The following FHOD3 variants were observed in gnomAD, a reference collection of about 807,000 sequenced individuals.
FHOD3 encodes FH1/FH2 domain-containing protein 3.
Under a neutral mutation model 173.0 loss-of-function variants are expected in FHOD3, and 90 were observed. The observed-to-expected ratio is 0.52, with a 90% CI of 0.44 to 0.62. The LOEUF is 0.62. Among genes scored for constraint, FHOD3 ranks in the 20% least tolerant of loss-of-function variants. The probability of loss-of-function intolerance (pLI) is 0.00; values close to 1 mark genes in which losing one functional copy is unlikely to be tolerated. For synonymous variants in FHOD3, 828 were observed against 823.0 expected, an observed-to-expected ratio of 1.01 and a Z score of -0.10; for missense variants, 1,945 against 2,034.7, an observed-to-expected ratio of 0.96 and a Z score of 0.85.
chr18:36,525,141 C>A (rs892281431), intron 5 of FHOD3, among the ~76,000 whole-genome samples: 1 of 152,028 alleles, frequency 6.6e-6, no homozygotes, highest in African/African-American at 2.4e-5. Context: ...ATTATGGAAC[C>A]ATGATTAGGT....
At chr18:36,470,959 C>T (rs2053249665) in intron 3 of FHOD3, among the ~76,000 whole-genome samples, 1 of 152,154 alleles carries the variant, frequency 6.6e-6, no homozygotes, top group African/African-American at 2.4e-5. Flanking sequence ...CATGATGGCA[C>T]CTGTGTGGGT....
At chr18:36,700,668 T>TA (rs573384536) in intron 17 of FHOD3, among the ~76,000 whole-genome samples, 60 of 152,042 alleles carry the variant, frequency 3.9e-4, no homozygotes, top group African/African-American at 1.3e-3. Context: ...CAACCCAATT[T>TA]AAAAAAAAGA....
intron 14 of FHOD3, among the ~76,000 whole-genome samples, chr18:36,669,455 T>C (rs1390583380): frequency 6.6e-6 from 1 of 151,936 alleles, no homozygotes; most frequent in Admixed American, 6.6e-5. Flanking sequence ...GAGTTTATAT[T>C]TTTTATTTGT....
At chr18:36,575,526 T>G (rs543110684) in intron 5 of FHOD3, among the ~76,000 whole-genome samples, 1 of 152,238 alleles carries the variant, frequency 6.6e-6, no homozygotes, top group Admixed American at 6.5e-5. Context: ...ATGAATTATT[T>G]TCACTTTATT....
At chr18:36,579,183 G>A (rs2058761160) in intron 6 of FHOD3, among the ~76,000 whole-genome samples, 1 of 152,106 alleles carries the variant, frequency 6.6e-6, no homozygotes. Flanking sequence ...CCTCCCCAAG[G>A]CACTCTGAAT....
intron 8 of FHOD3, among the ~76,000 whole-genome samples, chr18:36,603,220 T>A (rs904889400): frequency 3.3e-5 from 5 of 152,168 alleles, no homozygotes; most frequent in African/African-American, 4.8e-5. Flanking sequence ...CATAGGGAAC[T>A]AATACATTGT....
chr18:36,338,587 T>A (rs1452929447), intron 1 of FHOD3, among the ~76,000 whole-genome samples: 1 of 152,214 alleles, frequency 6.6e-6, no homozygotes, highest in Non-Finnish European at 1.5e-5. Flanking sequence ...GCTGCCAGCT[T>A]GGCTCTGAGG....
At position 36,779,653 on chromosome 18, in the gene FHOD3, A is replaced by G. The variant is rs2043951102; in HGVS notation, c.*123A>G. 4 of 825,618 alleles carry G rather than the reference A, an allele frequency of 4.8e-6. No individual in the cohort carries two copies. The highest frequency in any genetic ancestry group is 7.9e-6 in the Non-Finnish European group (4 of 506,112). 51.1% of individuals were successfully genotyped at this position (825,618 alleles called of 1,614,324 possible). A position where few individuals can be genotyped will look rare whatever the true frequency, so the allele number is the denominator to read the frequency against. The stretch of plus-strand genomic sequence containing the variant: ...CCAACAGTTTGAAAAGGGAGAGCTC[A>G]ATTCCCAGCGTCACCCCATGGCTTG... On this transcript the variant is annotated 3_prime_UTR_variant, in exon 29 of 29. Coordinates refer to ENST00000590592, the MANE Select transcript of FHOD3 (RefSeq NM_001281740.3).
chr18:36,605,014 T>G (rs2031899860), intron 8 of FHOD3, among the ~76,000 whole-genome samples: 1 of 152,232 alleles, frequency 6.6e-6, no homozygotes, highest in African/African-American at 2.4e-5. Context: ...AAGTATCATT[T>G]CTTGATGAAC....
intron 3 of FHOD3, 30 bp downstream of exon 3, chr18:36,372,774 C>T (rs1258318893): frequency 6.3e-7 from 1 of 1,597,506 alleles, no homozygotes; most frequent in Non-Finnish European, 8.6e-7. Context: ...AGGAACTAAA[C>T]ATATGATGAA....
At chr18:36,405,646 C>T (rs989574027) in intron 3 of FHOD3, among the ~76,000 whole-genome samples, 1 of 152,084 alleles carries the variant, frequency 6.6e-6, no homozygotes, top group Non-Finnish European at 1.5e-5. Flanking sequence ...AGCTAAGGAC[C>T]AATGTTTATA....
At chr18:36,584,941 A>G (rs1223599827) in intron 6 of FHOD3, among the ~76,000 whole-genome samples, 2 of 152,220 alleles carry the variant, frequency 1.3e-5, no homozygotes, top group Non-Finnish European at 2.9e-5. Flanking sequence ...TAGAAACACT[A>G]CCACATAAAG....
chr18:36,390,367 G>A (rs1483326053), intron 3 of FHOD3, among the ~76,000 whole-genome samples: 5 of 152,158 alleles, frequency 3.3e-5, no homozygotes, highest in Non-Finnish European at 2.9e-5. Flanking sequence ...TAAGGCCATA[G>A]TATTCCAGGT....
Position 36,709,102 on chromosome 18 carries a change from C to A in FHOD3, c.2244C>A (p.Ala748=). ...PGTPHHPQAS[A]GDPEPESEAE... ...CATTGTTGTCTCCACCAGCAAGTGC[C>A]GGGGATCCTGAACCCGAATCAGAGG... The change falls in exon 18 of 29, where the codon GCC becomes GCA. Residue 748 remains alanine, a synonymous_variant. Coordinates refer to ENST00000590592, the MANE Select transcript of FHOD3 (RefSeq NM_001281740.3). 18 of 1,612,108 alleles carry A rather than the reference C, an allele frequency of 1.1e-5. No homozygotes were observed. The highest frequency in any genetic ancestry group is 1.5e-5 in the Non-Finnish European group (18 of 1,178,352).
At chr18:36,394,065 A>G (rs903109917) in intron 3 of FHOD3, among the ~76,000 whole-genome samples, 1 of 152,192 alleles carries the variant, frequency 6.6e-6, no homozygotes, top group East Asian at 1.9e-4. Context: ...TTTGCTAACA[A>G]AGCAAATCCA....
intron 5 of FHOD3, among the ~76,000 whole-genome samples, chr18:36,551,207 A>C (rs1349434154): frequency 6.6e-6 from 1 of 152,186 alleles, no homozygotes; most frequent in Non-Finnish European, 1.5e-5. Context: ...TGTTTATTTT[A>C]AAACTGTTAA....
intron 1 of FHOD3, among the ~76,000 whole-genome samples, chr18:36,354,796 ACT>A (rs1321913746): frequency 1.3e-5 from 2 of 150,888 alleles, no homozygotes; most frequent in South Asian, 2.1e-4. Flanking sequence ...ACAGAGCGAG[ACT>A]CTGTCGCCAA....
intron 3 of FHOD3, among the ~76,000 whole-genome samples, chr18:36,432,657 A>G (rs79397496): frequency 0.01 from 1,532 of 152,330 alleles, 26 homozygotes; most frequent in African/African-American, 0.035. Flanking sequence ...GCAGGCAAGC[A>G]GGACCAAGAC....
chr18:36,379,240 C>T (rs2047614494), intron 3 of FHOD3, among the ~76,000 whole-genome samples: 1 of 152,160 alleles, frequency 6.6e-6, no homozygotes. Flanking sequence ...AAGCTCAGGT[C>T]AGCTCTGGGA....
Sources: allele counts gnomAD v4.1 joint callset (sites outside exome capture counted in the v4.1 genomes callset), GRCh38; gene constraint gnomAD v4.1.1; transcripts MANE v1.5; gene names NCBI Gene and HGNC (gene_info 2026-07-23, HGNC 2026-07-21).